The following KDM5C variants were observed in gnomAD, a reference collection of about 807,000 sequenced individuals.
KDM5C encodes the protein lysine-specific demethylase 5C.
KDM5C carries 16 observed loss-of-function variants against 110.6 expected under a neutral mutation model. The ratio of observed to expected loss-of-function variants is 0.14; its 90% CI spans 0.10 to 0.22. The LOEUF is 0.22. Ranked by LOEUF, KDM5C falls within the 10% of genes least tolerant of loss-of-function variation. KDM5C has a pLI of 1.00. For synonymous variants in KDM5C, 511 were observed against 520.4 expected (o/e 0.98, Z 0.24); for missense variants, 681 against 1,300.9 (o/e 0.52, Z 7.33).
rs782522833 is a variant in KDM5C at position 53,214,659 on chromosome X, T to G, written c.1122+30A>C. On this transcript the variant is annotated intron_variant, in intron 8 of 25. Transcript: ENST00000375401. The stretch of plus-strand genomic sequence containing the variant: ...GATGAAGGAAGGCAAGGAAGCCCTA[T>G]GAGGCAGATGTGGAGTGGGGAGGCC... 8 of 1,192,324 alleles carry G rather than the reference T, an allele frequency of 6.7e-6. No homozygotes were observed. The African/African-American group carries it at 1.2e-4, about 18-fold the overall frequency.
chrX:53,221,875 G>A, intron 1 of KDM5C: 2 of 443,467 alleles, frequency 4.5e-6, no homozygotes, highest in Non-Finnish European at 7.2e-6. Context: ...GCTCTGCCAA[G>A]TTGGAGCTTG....
chrX:53,201,790 G>A (rs2073146816), intron 13 of KDM5C, 46 bp from the exon 14 acceptor site: 1 of 1,208,693 alleles, frequency 8.3e-7, no homozygotes, highest in African/African-American at 1.8e-5. Context: ...TGGAGGCCAT[G>A]ATGCCCCAGC....
At chrX:53,199,256 T>C (rs1235955624) in intron 14 of KDM5C, 98 bp from the exon 15 acceptor site, 8 of 910,691 alleles carry the variant, frequency 8.8e-6, no homozygotes, top group Admixed American at 4.6e-5. Context: ...TTCAAATCTA[T>C]GCTGAGGGTC....
At chrX:53,224,382 C>A (rs1242697233) in intron 1 of KDM5C, among the ~76,000 whole-genome samples, 1 of 111,943 alleles carries the variant, frequency 8.9e-6, no homozygotes, top group Non-Finnish European at 1.9e-5. Context: ...GAAGTGATGA[C>A]AACAGATTGG....
Position 53,196,587 on chromosome X carries a change from C to T in KDM5C, c.2981+99G>A, listed in dbSNP as rs1934874960. ...GAGAGTCAATACAGTAACACAGGAG[C>T]GTGATACCTAAGGCCACCCATGGGC... On this transcript the variant is annotated intron_variant, in intron 19 of 25. Transcript: ENST00000375401. 12 of 663,737 alleles carry T rather than the reference C, an allele frequency of 1.8e-5. No homozygotes were observed. The East Asian group carries it at 2.9e-4, about 16-fold the overall frequency. 54.7% of individuals were successfully genotyped at this position (663,737 alleles called of 1,213,427 possible).
At chrX:53,221,849 A>G (rs1372564694) in intron 1 of KDM5C, 2 of 593,739 alleles carry the variant, frequency 3.4e-6, no homozygotes, top group Non-Finnish European at 4.9e-6. Context: ...AAGATCATGA[A>G]AGTGGGAGAC....
Position 53,216,183 on chromosome X carries a change from CT to C in KDM5C, c.671del (p.Glu224GlyfsTer10). ...KRLQPDPEPT[E>X]EDIEKNPELK... is the part of the protein sequence containing the mutation. ...GCTCTGGATTCTTCTCAATGTCTTC[CT>C]CTGTGGGTTCCGGCTGGAAGGAAAG... On this transcript the variant is annotated frameshift_variant, in exon 6 of 26. Coordinates refer to ENST00000375401, the MANE Select transcript of KDM5C (RefSeq NM_004187.5). LOFTEE classifies it high-confidence loss of function. 1 of 1,212,049 alleles carries C rather than the reference CT, an allele frequency of 8.3e-7. No individual in the cohort carries two copies. Among genetic ancestry groups the C allele is most frequent in the Non-Finnish European group, 1.1e-6 (1 of 895,579 alleles).
Position 53,194,747 on chromosome X carries a change from C to A in KDM5C, c.3439-9G>T. On this transcript the variant is annotated splice_polypyrimidine_tract_variant and intron_variant, in intron 22 of 25. Coordinates refer to ENST00000375401, the MANE Select transcript of KDM5C (RefSeq NM_004187.5). ...TCCTTGAAGGCCACGATCTGCCATA[C>A]CCAGGACAGGAGCAAAGTGGGTCAG... is the stretch of plus-strand genomic sequence containing the variant. The A allele has an allele frequency of 8.3e-7, 1 of 1,210,463 alleles. No homozygotes were observed. The highest frequency in any genetic ancestry group is 1.1e-6 in the Non-Finnish European group (1 of 895,121).
chrX:53,221,708 T>C, intron 1 of KDM5C: 3 of 976,371 alleles, frequency 3.1e-6, no homozygotes, highest in Non-Finnish European at 4.0e-6. Flanking sequence ...AGGCTTCCTG[T>C]AGATCCTCTC....
In KDM5C at chrX:53,207,722, G is replaced by A. The variant is rs868936323; in HGVS notation, c.1746+2692C>T. 4.0e-4 allele frequency among the ~76,000 whole-genome samples: 45 copies of A among 111,122 alleles called. 1 individual carries two copies. Among genetic ancestry groups the A allele is most frequent in the Middle Eastern group, 8.5e-3 (2 of 236 alleles). On this transcript the variant is annotated intron_variant, in intron 12 of 25. Transcript: ENST00000375401. ...CTAGCACTTTGGGAGGCCAAGGCGG[G>A]TGGATCACCTGAGGTCAGGAGTTCG...
rs781907913 is a variant in KDM5C at position 53,193,266 on chromosome X, TCCG to T, written c.4381_4383del (p.Arg1461del). 8.3e-7 allele frequency: 1 copy of T among 1,208,107 alleles called. No homozygotes were observed. On this transcript the variant is annotated inframe_deletion, in exon 26 of 26. Coordinates refer to ENST00000375401, the MANE Select transcript of KDM5C (RefSeq NM_004187.5). The stretch of plus-strand genomic sequence containing the variant: ...TCGCCCTCCCCACCCCGATCCACCT[TCCG>T]CCGCCGCCGCCTCTCCAGGGCCCGG...
Position 53,198,585 on chromosome X carries a change from A to C in KDM5C, c.2421T>G (p.Pro807=), listed in dbSNP as rs1319658127. The C allele has an allele frequency of 1.7e-6, 2 of 1,210,357 alleles. No homozygotes were observed. The highest frequency in any genetic ancestry group is 2.2e-6 in the Non-Finnish European group (2 of 895,230). The change falls in exon 17 of 26, where the codon CCT becomes CCG. Residue 807 remains proline (P), a synonymous_variant. Transcript: ENST00000375401. Reference sequence around the variant, plus strand: ...TTAGTTGCTGCAGCAGCTCACTATTAGGAAACCTCCGCTCACGGGCTTCAG... The same window carrying C: ...TTAGTTGCTGCAGCAGCTCACTATTCGGAAACCTCCGCTCACGGGCTTCAG... ...LESEARERRF[P]NSELLQQLKN...
At chrX:53,176,835 C>CA (rs1476263090) in intron 25 of KDM5C, among the ~76,000 whole-genome samples, 1 of 111,671 alleles carries the variant, frequency 9.0e-6, no homozygotes, top group African/African-American at 3.3e-5. Context: ...TAAAAACAGG[C>CA]AAAACTAAAC....
At position 53,198,882 on chromosome X, in the gene KDM5C, C is replaced by A; in HGVS notation, c.2250G>T (p.Arg750=). The A allele has an allele frequency of 8.3e-7, 1 of 1,212,114 alleles. No individual in the cohort carries two copies. The highest frequency in any genetic ancestry group is 2.2e-5 in the Admixed American group (1 of 46,084). ...TGGCAGGAAGCTCATCCAAGGTATA[C>A]CGATACCTGGAGGAAGAGGGCAGGC... The part of the protein sequence containing the change: ...CSSSRQYLRY[R]YTLDELPAML... The change falls in exon 16 of 26, where the codon CGG becomes CGT. Residue 750 remains arginine (R), a synonymous_variant. Transcript: ENST00000375401.
chrX:53,204,520 G>A lies in KDM5C; in HGVS notation c.1747-2547C>T, dbSNP rs1287175716. The stretch of plus-strand genomic sequence containing the variant: ...ATCTCACAGCTTTTTTTTTTGAGAC[G>A]GTGTCTCGCTCTGTCGCCCAGGCTG... On this transcript the variant is annotated intron_variant, in intron 12 of 25. Transcript: ENST00000375401. 2.7e-5 allele frequency among the ~76,000 whole-genome samples: 3 copies of A among 109,644 alleles called. No homozygotes were observed. The Admixed American group carries it at 2.9e-4, about 11-fold the overall frequency.
downstream of KDM5C, among the ~76,000 whole-genome samples, chrX:53,189,138 T>A (rs1458603776): frequency 8.9e-6 from 1 of 112,408 alleles, no homozygotes; most frequent in Non-Finnish European, 1.9e-5. Flanking sequence ...CCAATAGAGA[T>A]AGGCGTGGAG....
chrX:53,225,129 C>T lies in KDM5C; in HGVS notation c.-240G>A, dbSNP rs41308616. 8,725 of 366,438 alleles carry T rather than the reference C, an allele frequency of 0.024. 104 individuals carry two copies. The highest frequency in any genetic ancestry group is 0.044 in the Middle Eastern group (59 of 1,327). 30.2% of individuals were successfully genotyped at this position (366,438 alleles called of 1,213,427 possible). A position where few individuals can be genotyped will look rare whatever the true frequency, so the allele number is the denominator to read the frequency against. On this transcript the variant is annotated 5_prime_UTR_variant, in exon 1 of 26. Transcript: ENST00000375401. ...CTTCCAAACTGTGTGGTTGCCTCCC[C>T]ACTACCGCAGCCTTCGCCACCACAG...
At chrX:53,179,406 G>C (rs1556825225) in intron 25 of KDM5C, among the ~76,000 whole-genome samples, 1 of 110,833 alleles carries the variant, frequency 9.0e-6, no homozygotes, top group Non-Finnish European at 1.9e-5. Context: ...AGACATATCT[G>C]ATAAAGGATC....
In KDM5C at chrX:53,192,883, C is replaced by CCCCCA; in HGVS notation, c.*83_*84insTGGGG. On this transcript the variant is annotated 3_prime_UTR_variant, in exon 26 of 26. Coordinates refer to ENST00000375401, the MANE Select transcript of KDM5C (RefSeq NM_004187.5). The stretch of plus-strand genomic sequence containing the variant: ...GCCACCCCCCTACCCGCCCACCCCC[C>CCCCCA]AAGAAGCAGGCTTGATGGTCAGAAA... 9.4e-7 allele frequency: 1 copy of CCCCCA among 1,063,301 alleles called. No individual in the cohort carries two copies. Among genetic ancestry groups the CCCCCA allele is most frequent in the Non-Finnish European group, 1.2e-6 (1 of 809,529 alleles). 87.6% of individuals were successfully genotyped at this position (1,063,301 alleles called of 1,213,427 possible).
Sources: gnomAD v4.1 joint callset for allele counts (sites outside exome capture counted in the v4.1 genomes callset) on GRCh38, gnomAD v4.1.1 for gene constraint, MANE v1.5 for transcripts, NCBI Gene and HGNC (gene_info 2026-07-23, HGNC 2026-07-21) for gene names.